The following DNM3 variants were observed in gnomAD, a reference collection of about 807,000 sequenced individuals.
DNM3 encodes dynamin 3, also known as dynamin-3.
Under a neutral mutation model 101.6 loss-of-function variants are expected in DNM3, and 47 were observed. The ratio of observed to expected loss-of-function variants is 0.46; its 90% CI spans 0.37 to 0.59. The LOEUF is 0.59. Among genes scored for constraint, DNM3 ranks in the 20% least tolerant of loss-of-function variants. DNM3 has a pLI of 0.00. For synonymous variants in DNM3, 385 were observed against 387.9 expected (o/e 0.99, Z 0.09); for missense variants, 849 against 1,085.7 (o/e 0.78, Z 3.06).
intron 17 of DNM3, among the ~76,000 whole-genome samples, chr1:172,337,270 C>G (rs2066474164): frequency 6.6e-6 from 1 of 152,150 alleles, no homozygotes; most frequent in African/African-American, 2.4e-5. Flanking sequence ...GCATCTTATT[C>G]CAGTCTTCCC....
chr1:172,003,133 A>G (rs1378016926), intron 4 of DNM3, among the ~76,000 whole-genome samples: 1 of 152,096 alleles, frequency 6.6e-6, no homozygotes, highest in African/African-American at 2.4e-5. Context: ...CATTTTTTTC[A>G]GAAATTCTCT....
intron 15 of DNM3, among the ~76,000 whole-genome samples, chr1:172,263,764 T>G (rs2062756155): frequency 6.6e-6 from 1 of 152,132 alleles, no homozygotes; most frequent in Admixed American, 6.5e-5. Context: ...GAGCTACAAT[T>G]CAAGATGAGA....
intron 14 of DNM3, among the ~76,000 whole-genome samples, chr1:172,185,892 G>A (rs560991437): frequency 1.3e-5 from 2 of 152,128 alleles, no homozygotes; most frequent in South Asian, 2.1e-4. Context: ...TTTGTCTGAC[G>A]AATTTGGCCC....
At chr1:172,253,908 G>T (rs2062290094) in intron 15 of DNM3, among the ~76,000 whole-genome samples, 1 of 151,674 alleles carries the variant, frequency 6.6e-6, no homozygotes. Flanking sequence ...ATTATTTCTT[G>T]CTTTTCCACC....
At chr1:172,334,562 T>C (rs2066334895) in intron 17 of DNM3, among the ~76,000 whole-genome samples, 2 of 152,214 alleles carry the variant, frequency 1.3e-5, no homozygotes, top group Non-Finnish European at 2.9e-5. Context: ...TATGAAGATT[T>C]GGACCTGTGT....
chr1:172,200,234 C>T (rs1240845928), intron 14 of DNM3, among the ~76,000 whole-genome samples: 1 of 152,062 alleles, frequency 6.6e-6, no homozygotes, highest in Non-Finnish European at 1.5e-5. Context: ...GTATAGGCCC[C>T]CAATCTCTTC....
chr1:172,013,144 G>A (rs2125715254), intron 4 of DNM3, among the ~76,000 whole-genome samples: 1 of 151,988 alleles, frequency 6.6e-6, no homozygotes, highest in South Asian at 2.1e-4. Flanking sequence ...TGTTGTTCCA[G>A]TGTACGCAGT....
At chr1:172,126,040 C>G (rs1052687109) in intron 13 of DNM3, among the ~76,000 whole-genome samples, 1 of 152,004 alleles carries the variant, frequency 6.6e-6, no homozygotes, top group South Asian at 2.1e-4. Context: ...GAATGTCTGC[C>G]TTTTCTTATC....
chr1:171,849,633 C>A (rs973055126), intron 1 of DNM3, among the ~76,000 whole-genome samples: 1 of 151,914 alleles, frequency 6.6e-6, no homozygotes, highest in East Asian at 1.9e-4. Flanking sequence ...TGCCCACATT[C>A]GTTAAATGCA....
chr1:172,295,404 T>A lies in DNM3; in HGVS notation c.1770-13324T>A, dbSNP rs568476149. Among the ~76,000 whole-genome samples, 2 of 152,226 alleles carry A rather than the reference T, an allele frequency of 1.3e-5. 1 individual carries two copies. The highest frequency in any genetic ancestry group is 4.1e-4 in the South Asian group (2 of 4,824). On this transcript the variant is annotated intron_variant, in intron 15 of 20. Transcript: ENST00000627582. ...GAATACAATTAAAAGAAGGAAAAGA[T>A]GTGAAAAAATTCAGAAATAATATGT... is the stretch of plus-strand genomic sequence containing the variant.
At chr1:172,197,320 A>T (rs1208835182) in intron 14 of DNM3, among the ~76,000 whole-genome samples, 1 of 151,980 alleles carries the variant, frequency 6.6e-6, no homozygotes, top group Non-Finnish European at 1.5e-5. Context: ...GCCTTGTAAT[A>T]TAGTTTGAAG....
chr1:172,299,383 CTTAT>C (rs2064326911), intron 15 of DNM3, among the ~76,000 whole-genome samples: 1 of 152,178 alleles, frequency 6.6e-6, no homozygotes, highest in South Asian at 2.1e-4. Flanking sequence ...AACAAATTTA[CTTAT>C]TTATTTAATA....
At chr1:172,120,179 G>A (rs559016800) in intron 13 of DNM3, among the ~76,000 whole-genome samples, 9 of 152,258 alleles carry the variant, frequency 5.9e-5, no homozygotes, top group East Asian at 5.8e-4. Flanking sequence ...CATGTTCTAC[G>A]TGGCTGGGGA....
At chr1:172,042,920 G>A (rs1222309545) in intron 8 of DNM3, among the ~76,000 whole-genome samples, 1 of 152,176 alleles carries the variant, frequency 6.6e-6, no homozygotes, top group Admixed American at 6.5e-5. Context: ...CTGCTGGATT[G>A]TAAAGAGCCA....
intron 11 of DNM3, among the ~76,000 whole-genome samples, chr1:172,077,810 T>C (rs1374002603): frequency 6.6e-6 from 1 of 152,208 alleles, no homozygotes; most frequent in Non-Finnish European, 1.5e-5. Context: ...TAGATGTCTA[T>C]TAGGTCTGCT....
chr1:171,976,822 AC>A (rs757940702), intron 2 of DNM3, among the ~76,000 whole-genome samples: 17 of 152,318 alleles, frequency 1.1e-4, no homozygotes, highest in Non-Finnish European at 2.2e-4. Context: ...TTTTTTAGTT[AC>A]GTATTTATAT....
Position 172,191,336 on chromosome 1 carries a change from T to C in DNM3, c.1659+60048T>C, listed in dbSNP as rs528856205. Among the ~76,000 whole-genome samples, 18 of 152,206 alleles carry C rather than the reference T, an allele frequency of 1.2e-4. No individual in the cohort carries two copies. The East Asian group carries it at 2.9e-3, about 24-fold the overall frequency. On this transcript the variant is annotated intron_variant, in intron 14 of 20. Coordinates refer to ENST00000627582, the MANE Select transcript of DNM3 (RefSeq NM_015569.5). Reference sequence around the variant, plus strand: ...AGATCAGATGATTGTAGATATGTGGTATTATTTCTGAGGGCTCTATTCTGT... The same window carrying C: ...AGATCAGATGATTGTAGATATGTGGCATTATTTCTGAGGGCTCTATTCTGT...
At position 172,382,662 on chromosome 1, in the gene DNM3, T is replaced by C. The variant is rs542336327; in HGVS notation, c.2058+3480T>C. Among the ~76,000 whole-genome samples, 8 of 152,294 alleles carry C rather than the reference T, an allele frequency of 5.3e-5. No homozygotes were observed. In the South Asian group the frequency reaches 1.2e-3, roughly 24 times the overall value. On this transcript the variant is annotated intron_variant, in intron 18 of 20. Coordinates refer to ENST00000627582, the MANE Select transcript of DNM3 (RefSeq NM_015569.5). ...CAGCCCTCTCCAACTAGAGGACTCC[T>C]ACCCCCACAGGGTATTCATGAGTTA...
At chr1:172,379,768 A>G (rs1444934441) in intron 18 of DNM3, among the ~76,000 whole-genome samples, 5 of 151,982 alleles carry the variant, frequency 3.3e-5, no homozygotes, top group Non-Finnish European at 7.4e-5. Flanking sequence ...CTAGCCATCA[A>G]TGGGTCTAAA....
Sources: gnomAD v4.1 joint callset for allele counts (sites outside exome capture counted in the v4.1 genomes callset) on GRCh38, gnomAD v4.1.1 for gene constraint, MANE v1.5 for transcripts, NCBI Gene and HGNC (gene_info 2026-07-23, HGNC 2026-07-21) for gene names.